ROBO2: variants seen among roughly 807,000 people sequenced by gnomAD.
ROBO2 encodes roundabout homolog 2.
ROBO2 carries 53 observed loss-of-function variants against 160.8 expected under a neutral mutation model. The ratio of observed to expected loss-of-function variants is 0.33; its 90% CI spans 0.26 to 0.41. The LOEUF (loss-of-function observed/expected upper bound fraction) is 0.41, where lower values mean the gene tolerates loss of function less well. ROBO2 is among the 10% of genes least tolerant of loss of function. The pLI, the probability that ROBO2 is intolerant of heterozygous loss-of-function variation, is 1.00. For missense variants in ROBO2, 1,577 were observed against 1,722.4 expected (o/e 0.92, Z 1.49); for synonymous variants, 664 against 611.7 (o/e 1.09, Z -1.26).
intron 2 of ROBO2, among the ~76,000 whole-genome samples, chr3:77,394,191 C>T (rs1251310909): frequency 1.3e-5 from 2 of 152,134 alleles, no homozygotes; most frequent in African/African-American, 4.8e-5. Flanking sequence ...CATAAAAAAG[C>T]AATCGTGCTT....
intron 2 of ROBO2, among the ~76,000 whole-genome samples, chr3:77,102,078 C>G (rs76246519): frequency 1.3e-5 from 2 of 151,968 alleles, no homozygotes; most frequent in South Asian, 4.2e-4. Flanking sequence ...ATGGTTGACA[C>G]GATGCAAATC....
rs193145667 is a variant in ROBO2 at position 76,085,930 on chromosome 3, A to G, written c.109+148328A>G. On this transcript the variant is annotated intron_variant, in intron 2 of 26. Transcript: ENST00000487694. ...TCAAGCTTCTGGCAGGGAGAGGGAT[A>G]AATGAACCAATTTGAAATACAAAAG... Among the ~76,000 whole-genome samples the G allele has an allele frequency of 1.1e-3, 164 of 152,310 alleles. 2 individuals are homozygous for G. Among genetic ancestry groups the G allele is most frequent in the African/African-American group, 3.8e-3 (159 of 41,570 alleles).
intron 22 of ROBO2, chr3:77,618,019 C>T: frequency 3.8e-6 from 2 of 524,876 alleles, no homozygotes; most frequent in Non-Finnish European, 6.8e-6. Flanking sequence ...AGAACTAGAA[C>T]TAAAACTAGA....
At chr3:77,572,266 C>CTTAGTGTTGTT (rs1656557582) in intron 13 of ROBO2, among the ~76,000 whole-genome samples, 2 of 151,962 alleles carry the variant, frequency 1.3e-5, no homozygotes, top group Admixed American at 1.3e-4. Context: ...AAAATGCAAA[C>CTTAGTGTTGTT]TTAGTGTTGT....
chr3:76,138,219 A>C (rs746015587), intron 2 of ROBO2, among the ~76,000 whole-genome samples: 1 of 152,006 alleles, frequency 6.6e-6, no homozygotes, highest in Non-Finnish European at 1.5e-5. Context: ...CTATGAGACA[A>C]ATAGTAATAG....
chr3:76,340,022 G>A (rs892118205), intron 2 of ROBO2, among the ~76,000 whole-genome samples: 5 of 150,728 alleles, frequency 3.3e-5, no homozygotes, highest in Non-Finnish European at 7.4e-5. Context: ...AAATTCCCCT[G>A]GTACCACCAA....
At chr3:77,002,144 A>T (rs867609769) in intron 2 of ROBO2, among the ~76,000 whole-genome samples, 2 of 152,120 alleles carry the variant, frequency 1.3e-5, no homozygotes, top group South Asian at 4.1e-4. Context: ...TACTAAATTT[A>T]TGAGTGTTCA....
rs531285932 is a variant in ROBO2, at chr3:77,003,374, G to A, written c.110-94640G>A. Among the ~76,000 whole-genome samples the A allele has an allele frequency of 3.9e-5, 6 of 152,324 alleles. No homozygotes were observed. The South Asian group carries it at 1.2e-3, about 32-fold the overall frequency. ...GATATTACCTAGCTCATAGTGCTGT[G>A]AGGCTAAAGAAGATAGTACATATAA... On this transcript the variant is annotated intron_variant, in intron 2 of 26. Coordinates refer to the ROBO2 transcript ENST00000487694.
At chr3:76,079,706 G>A (rs777320575) in intron 2 of ROBO2, among the ~76,000 whole-genome samples, 2 of 151,914 alleles carry the variant, frequency 1.3e-5, no homozygotes, top group African/African-American at 2.4e-5. Context: ...GGCTGGTCTC[G>A]AACTCCTGAG....
At chr3:77,606,142 G>A (rs1436933992) in intron 20 of ROBO2, among the ~76,000 whole-genome samples, 1 of 152,066 alleles carries the variant, frequency 6.6e-6, no homozygotes, top group East Asian at 1.9e-4. Flanking sequence ...TACTCATAGG[G>A]CCTGGAGAAG....
intron 2 of ROBO2, among the ~76,000 whole-genome samples, chr3:76,051,446 TG>T (rs2067650697): frequency 6.6e-6 from 1 of 152,178 alleles, no homozygotes; most frequent in East Asian, 1.9e-4. Context: ...TAACAATGTT[TG>T]CAAAAATTAC....
intron 2 of ROBO2, among the ~76,000 whole-genome samples, chr3:77,270,986 G>C (rs796464003): frequency 3.3e-5 from 5 of 151,266 alleles, no homozygotes; most frequent in African/African-American, 1.2e-4. Context: ...TGTTGAAAGT[G>C]ATAATAATTT....
At chr3:76,111,825 CCT>C (rs1198878902) in intron 2 of ROBO2, among the ~76,000 whole-genome samples, 1 of 151,956 alleles carries the variant, frequency 6.6e-6, no homozygotes, top group Non-Finnish European at 1.5e-5. Flanking sequence ...TTTCTCTCTC[CCT>C]GTCTCTCTCT....
chr3:76,071,658 C>T (rs1229499093), intron 2 of ROBO2, among the ~76,000 whole-genome samples: 1 of 151,936 alleles, frequency 6.6e-6, no homozygotes, highest in Non-Finnish European at 1.5e-5. Context: ...TCTAATTGGA[C>T]TTTTTCAGGT....
intron 2 of ROBO2, among the ~76,000 whole-genome samples, chr3:76,025,508 A>G (rs938161989): frequency 2.0e-5 from 3 of 151,792 alleles, no homozygotes; most frequent in South Asian, 2.1e-4. Flanking sequence ...TGTGGATTAG[A>G]TATCAATCAT....
intron 2 of ROBO2, among the ~76,000 whole-genome samples, chr3:77,382,329 A>G (rs2073587857): frequency 6.7e-6 from 1 of 148,822 alleles, no homozygotes; most frequent in Admixed American, 6.8e-5. Flanking sequence ...TCGTTGAAAT[A>G]GTAGAAAACA....
intron 2 of ROBO2, among the ~76,000 whole-genome samples, chr3:76,408,091 G>T (rs184373871): frequency 6.6e-6 from 1 of 152,112 alleles, no homozygotes; most frequent in East Asian, 1.9e-4. Context: ...AATAAGACAG[G>T]CACTATCCCT....
chr3:77,286,355 C>T (rs775419594), intron 2 of ROBO2, among the ~76,000 whole-genome samples: 4 of 148,404 alleles, frequency 2.7e-5, no homozygotes, highest in Admixed American at 6.9e-5. Flanking sequence ...CTCCCAAGTT[C>T]GAACGATTCT....
At chr3:77,224,498 A>G (rs747601161) in intron 2 of ROBO2, among the ~76,000 whole-genome samples, 1 of 151,960 alleles carries the variant, frequency 6.6e-6, no homozygotes, top group Non-Finnish European at 1.5e-5. Context: ...ACATTTGCTT[A>G]TTCTTTAAAC....
Sources: allele counts gnomAD v4.1 joint callset (sites outside exome capture counted in the v4.1 genomes callset), GRCh38; gene constraint gnomAD v4.1.1; transcripts MANE v1.5; gene names NCBI Gene and HGNC (gene_info 2026-07-23, HGNC 2026-07-21).